HS3ST5: variants seen among roughly 807,000 people sequenced by gnomAD.
The protein encoded by HS3ST5 is heparan sulfate-glucosamine 3-sulfotransferase 5, also known as heparan sulfate glucosamine 3-O-sulfotransferase 5.
In HS3ST5, 10 loss-of-function variants were observed where a neutral mutation model predicts 25.4. That is an observed-to-expected ratio of 0.39 (90% CI 0.24 to 0.67). The LOEUF (loss-of-function observed/expected upper bound fraction) is 0.67. Ranked by LOEUF, HS3ST5 falls within the 30% of genes least tolerant of loss-of-function variation. The pLI, the probability that HS3ST5 is intolerant of heterozygous loss-of-function variation, is 0.44. For synonymous variants in HS3ST5, 170 were observed against 162.4 expected, an observed-to-expected ratio of 1.05 and a Z score of -0.36; for missense variants, 324 against 420.7, an observed-to-expected ratio of 0.77 and a Z score of 2.01.
At chr6:114,329,639 G>GT (rs1402561049) in intron 1 of HS3ST5, among the ~76,000 whole-genome samples, 1 of 152,160 alleles carries the variant, frequency 6.6e-6, no homozygotes, top group Non-Finnish European at 1.5e-5. Context: ...CAAAAACAAA[G>GT]TAAGCACAGC....
intron 2 of HS3ST5, among the ~76,000 whole-genome samples, chr6:114,196,631 C>A (rs191622704): frequency 6.7e-6 from 1 of 150,260 alleles, no homozygotes; most frequent in Non-Finnish European, 1.5e-5. Flanking sequence ...TTGTAAGCAC[C>A]TCTTAGCCAG....
intron 2 of HS3ST5, among the ~76,000 whole-genome samples, chr6:114,194,568 C>T (rs536485002): frequency 6.6e-6 from 1 of 152,296 alleles, no homozygotes; most frequent in Admixed American, 6.5e-5. Flanking sequence ...AACAGCCAAC[C>T]AGCATTTCTT....
intron 3 of HS3ST5, among the ~76,000 whole-genome samples, chr6:114,106,336 GAA>G (rs1446713219): frequency 6.6e-6 from 1 of 151,974 alleles, no homozygotes; most frequent in Non-Finnish European, 1.5e-5. Flanking sequence ...AACAAATTAA[GAA>G]ATACTATTAA....
At position 114,204,069 on chromosome 6, in the gene HS3ST5, C is replaced by A. The variant is rs1399953695; in HGVS notation, c.-145+24516G>T. Among the ~76,000 whole-genome samples, 50 of 152,266 alleles carry A rather than the reference C, an allele frequency of 3.3e-4. 1 individual carries two copies. The highest frequency in any genetic ancestry group is 8.8e-5 in the Non-Finnish European group (6 of 68,030). On this transcript the variant is annotated intron_variant, in intron 2 of 4. Coordinates refer to ENST00000312719, the MANE Select transcript of HS3ST5 (RefSeq NM_153612.4). Reference sequence around the variant, plus strand: ...TATGGCCATGGAGAGAAGAGGAATTCTGTGGAAGGAATTACTAGGGAGAAT... The same window carrying A: ...TATGGCCATGGAGAGAAGAGGAATTATGTGGAAGGAATTACTAGGGAGAAT...
intron 2 of HS3ST5, among the ~76,000 whole-genome samples, chr6:114,202,896 T>C (rs1355600126): frequency 2.0e-5 from 3 of 152,194 alleles, no homozygotes; most frequent in Non-Finnish European, 4.4e-5. Flanking sequence ...TCTGACAAAA[T>C]GGTGTTGCAA....
chr6:114,122,833 T>C (rs1776858236), intron 3 of HS3ST5, among the ~76,000 whole-genome samples: 1 of 152,244 alleles, frequency 6.6e-6, no homozygotes, highest in Non-Finnish European at 1.5e-5. Flanking sequence ...ATTGTAACAT[T>C]TGATACTCTG....
intron 1 of HS3ST5, among the ~76,000 whole-genome samples, chr6:114,333,418 G>A (rs1031283598): frequency 5.9e-5 from 9 of 152,098 alleles, no homozygotes; most frequent in Non-Finnish European, 1.2e-4. Context: ...AAATTTTCAA[G>A]CACTTGATCT....
At chr6:114,169,896 T>G (rs1486595700) in intron 2 of HS3ST5, among the ~76,000 whole-genome samples, 1 of 152,112 alleles carries the variant, frequency 6.6e-6, no homozygotes, top group African/African-American at 2.4e-5. Context: ...CATGCAAACT[T>G]GCCTTTAAAT....
intron 3 of HS3ST5, among the ~76,000 whole-genome samples, chr6:114,150,213 A>T (rs546864692): frequency 2.0e-4 from 30 of 152,194 alleles, no homozygotes; most frequent in Admixed American, 1.4e-3. Flanking sequence ...ATGTCCTGTT[A>T]AGTTTGTTTT....
At chr6:114,110,075 G>A (rs943824764) in intron 3 of HS3ST5, among the ~76,000 whole-genome samples, 1 of 152,188 alleles carries the variant, frequency 6.6e-6, no homozygotes, top group African/African-American at 2.4e-5. Flanking sequence ...ATGGACTACA[G>A]TGATGCCATT....
intron 1 of HS3ST5, among the ~76,000 whole-genome samples, chr6:114,233,087 C>T (rs972875196): frequency 5.9e-5 from 9 of 151,306 alleles, no homozygotes; most frequent in African/African-American, 1.9e-4. Flanking sequence ...TTTTAGATAC[C>T]CAACATTCAG....
intron 3 of HS3ST5, among the ~76,000 whole-genome samples, chr6:114,158,880 G>A (rs1298596947): frequency 6.6e-6 from 1 of 152,164 alleles, no homozygotes; most frequent in Non-Finnish European, 1.5e-5. Context: ...TGCATTCAAT[G>A]CTGTAATTTC....
At chr6:114,331,714 A>C (rs1341314541) in intron 1 of HS3ST5, among the ~76,000 whole-genome samples, 1 of 152,134 alleles carries the variant, frequency 6.6e-6, no homozygotes, top group African/African-American at 2.4e-5. Context: ...GTTGCTTCCA[A>C]ATGTTTGCCA....
intron 3 of HS3ST5, among the ~76,000 whole-genome samples, chr6:114,073,358 T>A (rs1773938617): frequency 6.6e-6 from 1 of 152,088 alleles, no homozygotes; most frequent in Admixed American, 6.5e-5. Context: ...ACAGGCAACC[T>A]ACAGAATGGG....
chr6:114,149,328 A>G (rs1778333854), intron 3 of HS3ST5, among the ~76,000 whole-genome samples: 1 of 152,228 alleles, frequency 6.6e-6, no homozygotes, highest in Admixed American at 6.5e-5. Context: ...CTTGAAACCA[A>G]CCCAAATGCC....
Position 114,060,715 on chromosome 6 carries a change from A to C in HS3ST5, c.107+2024T>G, listed in dbSNP as rs183604598. Among the ~76,000 whole-genome samples, 264 of 152,298 alleles carry C rather than the reference A, an allele frequency of 1.7e-3. 1 individual carries two copies. The highest frequency in any genetic ancestry group is 6.2e-3 in the African/African-American group (256 of 41,558). ...ACAGTCTCTGCTTTGTTTGAGGTCAAATGGAATTTCCCCACTTGTAGAAAG... is the reference window on the plus strand; with the variant it reads ...ACAGTCTCTGCTTTGTTTGAGGTCACATGGAATTTCCCCACTTGTAGAAAG... On this transcript the variant is annotated intron_variant, in intron 4 of 4. Coordinates refer to ENST00000312719, the MANE Select transcript of HS3ST5 (RefSeq NM_153612.4).
intron 1 of HS3ST5, among the ~76,000 whole-genome samples, chr6:114,253,292 TTTTGCGTA>T (rs1439266561): frequency 6.6e-6 from 1 of 152,172 alleles, no homozygotes; most frequent in Non-Finnish European, 1.5e-5. Context: ...TAATAAGATA[TTTTGCGTA>T]TTTGGATAGT....
At chr6:114,327,093 T>A (rs759571578) in intron 1 of HS3ST5, among the ~76,000 whole-genome samples, 1 of 152,184 alleles carries the variant, frequency 6.6e-6, no homozygotes, top group Non-Finnish European at 1.5e-5. Flanking sequence ...TCCTGACATT[T>A]TTTTCTTTAA....
chr6:114,323,764 A>C (rs1776061768), intron 1 of HS3ST5, among the ~76,000 whole-genome samples: 1 of 152,182 alleles, frequency 6.6e-6, no homozygotes, highest in African/African-American at 2.4e-5. Flanking sequence ...AAAATAAAGT[A>C]TACAGAGTTA....
Sources: gnomAD v4.1 joint callset for allele counts (sites outside exome capture counted in the v4.1 genomes callset) on GRCh38, gnomAD v4.1.1 for gene constraint, MANE v1.5 for transcripts, NCBI Gene and HGNC (gene_info 2026-07-23, HGNC 2026-07-21) for gene names.